FREM2: variants seen among roughly 807,000 people sequenced by gnomAD.
FREM2 encodes the protein FRAS1 related extracellular matrix 2.
In FREM2, 119 loss-of-function variants were observed where a neutral mutation model predicts 219.9. The observed-to-expected ratio is 0.54, with a 90% confidence interval of 0.47 to 0.63. The LOEUF (loss-of-function observed/expected upper bound fraction) is 0.63. Among genes scored for constraint, FREM2 ranks in the 30% least tolerant of loss-of-function variants. The probability of loss-of-function intolerance (pLI) is 0.00; values close to 1 mark genes in which losing one functional copy is unlikely to be tolerated. For missense variants in FREM2, 4,030 were observed against 3,993.6 expected (o/e 1.01, Z -0.25); for synonymous variants, 1,562 against 1,522.8 (o/e 1.03, Z -0.60).
Position 38,769,820 on chromosome 13 carries a change from C to G in FREM2, c.5641+12C>G. On this transcript the variant is annotated intron_variant, in intron 4 of 23. Transcript: ENST00000280481. ...TGATCCAGGAGATGGTAAGAGCCAT[C>G]GTCAACTGGTTTATGTTGTTGCTGT... 1 of 1,595,148 alleles carries G rather than the reference C, an allele frequency of 6.3e-7. No individual in the cohort carries two copies.
intron 4 of FREM2, among the ~76,000 whole-genome samples, chr13:38,776,660 C>A (rs185690363): frequency 1.3e-5 from 2 of 152,120 alleles, no homozygotes; most frequent in African/African-American, 4.8e-5. Flanking sequence ...ATAAAAGTAA[C>A]ACATGTTCAT....
Position 38,692,010 on chromosome 13 carries a change from C to G in FREM2, c.4666C>G (p.Leu1556Val), listed in dbSNP as rs1593345813. The G allele has an allele frequency of 1.9e-6, 3 of 1,614,230 alleles. No individual in the cohort carries two copies. The Admixed American group carries it at 5.0e-5, about 27-fold the overall frequency. Residue 1556 changes from leucine (L) to valine (V), a missense_variant, in exon 1 of 24, where the codon CTC becomes GTC. Leu to Val is a conservative substitution (Grantham distance 32). Transcript: ENST00000280481. ...AAACAAGCTGATTACTCCTTTTGAG[C>G]TCACTGTCGAAGACAGAGATACTCC... Reference protein sequence around the residue: ...SENKLITPFELTVEDRDTPDK... With the variant: ...SENKLITPFEVTVEDRDTPDK...
chr13:38,738,440 C>G (rs768785175), intron 2 of FREM2, among the ~76,000 whole-genome samples: 3 of 151,820 alleles, frequency 2.0e-5, no homozygotes, highest in Non-Finnish European at 4.4e-5. Flanking sequence ...GTGGCACATG[C>G]CTGTGGTCCC....
At position 38,687,100 on chromosome 13, in the gene FREM2, C is replaced by T. The variant is rs1230193195; in HGVS notation, c.-245C>T. 8 of 589,360 alleles carry T rather than the reference C, an allele frequency of 1.4e-5. No homozygotes were observed. Among genetic ancestry groups the T allele is most frequent in the East Asian group, 5.7e-5 (2 of 35,266 alleles). The allele number at this position is 589,360 out of a possible 1,614,324, so 36.5% of individuals were successfully genotyped here. On this transcript the variant is annotated 5_prime_UTR_variant, in exon 1 of 24. Transcript: ENST00000280481. ...GTAGAAGTGGAGGGATTCAATTCTC[C>T]GCGCGATTGAGGCGCTAGCGGCGGA...
rs932169500 is a variant in FREM2, at chr13:38,698,973, C to T, written c.5263+1186C>T. ...AACCAAATCATAGTTTAGTATTCTACGTATTGATGAAAGGCATCTTAGCAT... is the reference window on the plus strand; with the variant it reads ...AACCAAATCATAGTTTAGTATTCTATGTATTGATGAAAGGCATCTTAGCAT... On this transcript the variant is annotated intron_variant, in intron 2 of 23. Transcript: ENST00000280481. Among the ~76,000 whole-genome samples the T allele has an allele frequency of 1.3e-4, 20 of 152,082 alleles. No individual in the cohort carries two copies. In the East Asian group the frequency reaches 1.5e-3, roughly 12 times the overall value.
chr13:38,690,662 A>C lies in FREM2; in HGVS notation c.3318A>C (p.Ile1106=). 1 of 1,613,926 alleles carries C rather than the reference A, an allele frequency of 6.2e-7. No individual in the cohort carries two copies. The highest frequency in any genetic ancestry group is 8.5e-7 in the Non-Finnish European group (1 of 1,179,994). The change falls in exon 1 of 24, where the codon ATA becomes ATC. Residue 1106 remains isoleucine (I), a synonymous_variant. Transcript: ENST00000280481. ...TGAATGATGACATCTTGTGCACTAT[A>C]GTTATTCAGCCTACTTCAGGTTATG... is the stretch of plus-strand genomic sequence containing the variant. ...DSLNDDILCT[I]VIQPTSGYVE...
In FREM2 at chr13:38,880,532, G is replaced by T. The variant is rs751438486; in HGVS notation, c.9255G>T (p.Arg3085Ser). Residue 3085 changes from arginine to serine, a missense_variant, in exon 24 of 24, where the codon AGG (arginine) becomes AGT (serine). By Grantham distance (110) the Arg-to-Ser change is moderately radical. This residue lies in a region of FREM2 where 928 missense variants were observed against 1,042.9 expected (regional missense o/e 0.89). Coordinates refer to ENST00000280481, the MANE Select transcript of FREM2 (RefSeq NM_207361.6). ...ACATTGCCCTGGACCGCACCAAGAG[G>T]CAGATCCCCCATGGGAGAGCACCTC... ...IQHIALDRTK[R>S]QIPHGRAPPD... The T allele has an allele frequency of 2.5e-6, 4 of 1,614,142 alleles. No individual in the cohort carries two copies. The South Asian group carries it at 4.4e-5, about 18-fold the overall frequency.
At chr13:38,698,093 A>T (rs189540729) in intron 2 of FREM2, among the ~76,000 whole-genome samples, 1 of 152,290 alleles carries the variant, frequency 6.6e-6, no homozygotes, top group Non-Finnish European at 1.5e-5. Context: ...GAGTTTGCCT[A>T]CTTGAGTCAG....
chr13:38,813,464 TTCTCTCTCTCTCTCTCTCTCTC>T lies in FREM2; in HGVS notation c.6019+28689_6019+28710del, dbSNP rs1170570605. Among the ~76,000 whole-genome samples the T allele has an allele frequency of 5.8e-4, 35 of 60,450 alleles. 1 individual carries two copies. The highest frequency in any genetic ancestry group is 2.4e-3 in the African/African-American group (34 of 14,004). 39.7% of individuals were successfully genotyped at this position (60,450 alleles called of 152,430 possible). A position where few individuals can be genotyped will look rare whatever the true frequency, so the allele number is the denominator to read the frequency against. ...GCAGCTTTATTATATGTTATTTGTT[TTCTCTCTCTCTCTCTCTCTCTC>T]TCTCTCTCTCTCTCTCTCTCTCTCT... On this transcript the variant is annotated intron_variant, in intron 6 of 23. Coordinates refer to ENST00000280481, the MANE Select transcript of FREM2 (RefSeq NM_207361.6).
intron 2 of FREM2, among the ~76,000 whole-genome samples, chr13:38,711,913 CTTTTTT>C (rs1224297915): frequency 1.9e-5 from 2 of 107,602 alleles, no homozygotes; most frequent in African/African-American, 8.9e-5. Flanking sequence ...CTGATAATTT[CTTTTTT>C]TTTTTTTTTT....
intron 6 of FREM2, among the ~76,000 whole-genome samples, chr13:38,796,655 C>T (rs1034249518): frequency 6.6e-6 from 1 of 152,034 alleles, no homozygotes; most frequent in Non-Finnish European, 1.5e-5. Flanking sequence ...ATGATAGTTT[C>T]TTTATTCATC....
At chr13:38,792,632 C>T (rs555355999) in intron 6 of FREM2, among the ~76,000 whole-genome samples, 1 of 152,234 alleles carries the variant, frequency 6.6e-6, no homozygotes, top group South Asian at 2.1e-4. Flanking sequence ...TTAGTATTTA[C>T]AGGGTTTGGT....
chr13:38,738,565 C>CAAAAAAA (rs71074478), intron 2 of FREM2, among the ~76,000 whole-genome samples: 2 of 48,464 alleles, frequency 4.1e-5, no homozygotes, highest in African/African-American at 1.3e-4. Flanking sequence ...GACTCCATCT[C>CAAAAAAA]AAAAAAAAAA....
chr13:38,861,662 T>G, intron 15 of FREM2, 100 bp downstream of exon 15: 4 of 1,335,946 alleles, frequency 3.0e-6, no homozygotes, highest in Non-Finnish European at 4.3e-6. Context: ...TAAATAAACG[T>G]TCAATTTGCA....
At chr13:38,845,839 T>G (rs1243942879) in intron 6 of FREM2, among the ~76,000 whole-genome samples, 1 of 152,126 alleles carries the variant, frequency 6.6e-6, no homozygotes, top group East Asian at 1.9e-4. Flanking sequence ...TTATCACCAG[T>G]ATTGGAAAAA....
intron 8 of FREM2, among the ~76,000 whole-genome samples, chr13:38,849,051 G>T (rs1244856571): frequency 6.6e-6 from 1 of 152,040 alleles, no homozygotes; most frequent in Non-Finnish European, 1.5e-5. Context: ...CTACCCTAAA[G>T]ACCTCATTGT....
chr13:38,699,526 C>A (rs191904607), intron 2 of FREM2, among the ~76,000 whole-genome samples: 3 of 152,140 alleles, frequency 2.0e-5, no homozygotes, highest in Admixed American at 6.5e-5. Flanking sequence ...CAAAGATTGT[C>A]TTTATGGAAG....
At position 38,874,561 on chromosome 13, in the gene FREM2, T is replaced by C. The variant is rs1175075394; in HGVS notation, c.8256T>C (p.His2752=). Residue 2752 remains histidine (H), a synonymous_variant, in exon 18 of 24, where the codon CAT becomes CAC. Coordinates refer to ENST00000280481, the MANE Select transcript of FREM2 (RefSeq NM_207361.6). The part of the protein sequence containing the change: ...AVHFKTEAQF[H]GLFVLSHPAS... The stretch of plus-strand genomic sequence containing the variant: ...ACTTCAAGACAGAGGCTCAGTTCCA[T>C]GGCTTATTTGTGCTGTCACATCCCG... The C allele has an allele frequency of 6.2e-7, 1 of 1,613,984 alleles. No individual in the cohort carries two copies.
intron 4 of FREM2, among the ~76,000 whole-genome samples, chr13:38,775,509 CA>C (rs1388337001): frequency 1.3e-5 from 2 of 151,916 alleles, no homozygotes; most frequent in Non-Finnish European, 2.9e-5. Flanking sequence ...AGTGGATAAG[CA>C]AAAAAGGTGC....
Sources: gnomAD v4.1 joint callset for allele counts (sites outside exome capture counted in the v4.1 genomes callset) on GRCh38, gnomAD v4.1.1 for gene constraint, gnomAD v4.1.1 regional missense constraint, MANE v1.5 for transcripts, NCBI Gene and HGNC (gene_info 2026-07-23, HGNC 2026-07-21) for gene names.